The following R3HDM2 variants were observed in gnomAD, a reference collection of about 807,000 sequenced individuals.
R3HDM2 encodes the protein R3H domain containing 2.
Under a neutral mutation model 124.5 loss-of-function variants are expected in R3HDM2, and 38 were observed. The ratio of observed to expected loss-of-function variants is 0.31; its 90% CI spans 0.24 to 0.40. R3HDM2 has a LOEUF of 0.40. R3HDM2 is among the 10% of genes least tolerant of loss of function. The pLI is 1.00. For synonymous variants in R3HDM2, 391 were observed against 448.0 expected (o/e 0.87, Z 1.61); for missense variants, 869 against 1,236.9 (o/e 0.70, Z 4.46).
chr12:57,430,489 G>GGCCCCCCCCCCCCCCCC, intron 1 of R3HDM2: 1 of 790,574 alleles, frequency 1.3e-6, no homozygotes, highest in Non-Finnish European at 1.5e-6. Context: ...CCACCCCCCT[G>GGCCCCCCCCCCCCCCCC]CCCCCGCACC....
At chr12:57,397,727 C>T (rs896626700) in intron 1 of R3HDM2, among the ~76,000 whole-genome samples, 7 of 152,170 alleles carry the variant, frequency 4.6e-5, no homozygotes, top group Non-Finnish European at 7.3e-5. Context: ...CCCATTGGCA[C>T]TCAAGCCATT....
intron 12 of R3HDM2, among the ~76,000 whole-genome samples, chr12:57,284,311 C>T (rs2046849263): frequency 6.6e-6 from 1 of 152,142 alleles, no homozygotes; most frequent in African/African-American, 2.4e-5. Context: ...TACATCAGAC[C>T]AGAGGTGGAT....
chr12:57,354,265 G>T lies in R3HDM2; in HGVS notation c.-36+41484C>A, dbSNP rs114533148. On this transcript the variant is annotated intron_variant, in intron 2 of 23. Coordinates refer to ENST00000402412, the MANE Select transcript of R3HDM2 (RefSeq NM_001394031.1). The stretch of plus-strand genomic sequence containing the variant: ...TGCTCCACAGTCTCATCAACATTTG[G>T]TATGGCCAGACTTTTTGTTTGATGG... Among the ~76,000 whole-genome samples the T allele has an allele frequency of 4.0e-3, 602 of 151,826 alleles. 5 individuals carry two copies. The highest frequency in any genetic ancestry group is 0.014 in the African/African-American group (576 of 41,420).
At chr12:57,275,992 C>A (rs1191581702) in intron 14 of R3HDM2, among the ~76,000 whole-genome samples, 1 of 151,904 alleles carries the variant, frequency 6.6e-6, no homozygotes, top group Non-Finnish European at 1.5e-5. Context: ...CCAAGGCGGG[C>A]GGATCATGAG....
chr12:57,395,655 C>T (rs564262869), intron 2 of R3HDM2, 94 bp downstream of exon 2: 715 of 432,956 alleles, frequency 1.7e-3, no homozygotes, highest in Non-Finnish European at 2.1e-3. Context: ...ACTTCCAACA[C>T]CATGGAGTTG....
intron 2 of R3HDM2, among the ~76,000 whole-genome samples, chr12:57,388,680 G>A (rs1180863184): frequency 6.6e-6 from 1 of 152,134 alleles, no homozygotes; most frequent in Non-Finnish European, 1.5e-5. Context: ...GGACCACGAA[G>A]GCAGTTACAG....
rs566868060 is a variant in R3HDM2, at chr12:57,260,263, C to CAAAAAAAAAAAAAAA, written c.2132-1219_2132-1205dup. Among the ~76,000 whole-genome samples, 85 of 31,564 alleles carry CAAAAAAAAAAAAAAA rather than the reference C, an allele frequency of 2.7e-3. 19 individuals are homozygous for CAAAAAAAAAAAAAAA. Among genetic ancestry groups the CAAAAAAAAAAAAAAA allele is most frequent in the Non-Finnish European group, 3.2e-3 (61 of 18,822 alleles). The allele number at this position is 31,564 out of a possible 152,430, so 20.7% of individuals were successfully genotyped here. A position where few individuals can be genotyped will look rare whatever the true frequency, so the allele number is the denominator to read the frequency against. ...TGGGTGACAGAATGAGACCCTGCCTCAAAAAAAAAAAAAAAAAAAAAAGCC... is the reference window on the plus strand; with the variant it reads ...TGGGTGACAGAATGAGACCCTGCCTCAAAAAAAAAAAAAAAAAAAAAAAAAAAAAAAAAAAAAGCC... On this transcript the variant is annotated intron_variant, in intron 19 of 23. Coordinates refer to ENST00000402412, the MANE Select transcript of R3HDM2 (RefSeq NM_001394031.1).
chr12:57,259,051 G>T lies in R3HDM2; in HGVS notation c.2140C>A (p.Pro714Thr). The change falls in exon 20 of 24, where the codon CCT becomes ACT. Residue 714 changes from proline (P) to threonine (T), a missense_variant. Pro to Thr is a conservative substitution (Grantham distance 38). Around this residue, in one of 2 missense-constraint regions of R3HDM2, gnomAD observed 602 missense variants for 789.2 expected, o/e 0.76. Transcript: ENST00000402412. ...ATGACCACTACACCTGGTCCAGAAG[G>T]TGACACTCCTGAAGGGCAGGAAGAA... ...QMPQQYSGVS[P>T]SGPGVVVMQL... The T allele has an allele frequency of 1.2e-6, 2 of 1,611,200 alleles. No individual in the cohort carries two copies. The highest frequency in any genetic ancestry group is 1.7e-6 in the Non-Finnish European group (2 of 1,179,046).
At chr12:57,413,274 T>G (rs561732523) in intron 1 of R3HDM2, among the ~76,000 whole-genome samples, 3 of 152,074 alleles carry the variant, frequency 2.0e-5, no homozygotes, top group African/African-American at 7.2e-5. Context: ...CCATAACTAC[T>G]CATAAATCAC....
intron 12 of R3HDM2, among the ~76,000 whole-genome samples, chr12:57,287,747 T>C (rs2047662093): frequency 6.6e-6 from 1 of 152,212 alleles, no homozygotes; most frequent in Admixed American, 6.5e-5. Context: ...CTAGTTTTTC[T>C]ATTGGTAAAT....
Position 57,407,451 on chromosome 12 carries a change from G to C in R3HDM2, c.-105-11633C>G, listed in dbSNP as rs2068628596. ...GACAGAGTCTCACTCTGTTGCCCAG[G>C]CTGGAGTGCAGTGGCACAATCTCAG... On this transcript the variant is annotated intron_variant, in intron 1 of 23. Transcript: ENST00000402412. Among the ~76,000 whole-genome samples the C allele has an allele frequency of 3.3e-5, 5 of 151,572 alleles. No homozygotes were observed. The South Asian group carries it at 1.0e-3, about 32-fold the overall frequency.
At chr12:57,416,786 C>T (rs980863109) in intron 1 of R3HDM2, among the ~76,000 whole-genome samples, 6 of 151,856 alleles carry the variant, frequency 4.0e-5, no homozygotes, top group Non-Finnish European at 5.9e-5. Flanking sequence ...CCAGCCTGGG[C>T]AACAGAGTGA....
At chr12:57,407,571 A>C (rs1184441134) in intron 1 of R3HDM2, among the ~76,000 whole-genome samples, 1 of 150,786 alleles carries the variant, frequency 6.6e-6, no homozygotes. Flanking sequence ...GTGCCCAGCT[A>C]ATTTTTTGTG....
At chr12:57,333,090 T>C (rs2058408504) in intron 2 of R3HDM2, among the ~76,000 whole-genome samples, 1 of 152,188 alleles carries the variant, frequency 6.6e-6, no homozygotes, top group Non-Finnish European at 1.5e-5. Context: ...GAATGAATCA[T>C]TCTTATTCTC....
intron 2 of R3HDM2, among the ~76,000 whole-genome samples, chr12:57,311,934 A>G (rs2053998747): frequency 6.6e-6 from 1 of 152,218 alleles, no homozygotes. Context: ...ACTAAGAATC[A>G]GAAGTTGATA....
At chr12:57,325,500 T>C (rs948146312) in intron 2 of R3HDM2, among the ~76,000 whole-genome samples, 2 of 152,098 alleles carry the variant, frequency 1.3e-5, no homozygotes, top group African/African-American at 4.8e-5. Context: ...ACCATAGACA[T>C]AGAAACCTAG....
chr12:57,255,951 G>A (rs367938273), intron 23 of R3HDM2, 39 bp downstream of exon 23: 6 of 1,568,620 alleles, frequency 3.8e-6, no homozygotes, highest in African/African-American at 1.3e-5. Flanking sequence ...CTGGAAGGGT[G>A]GGCACCTTCT....
chr12:57,309,899 T>G (rs145698087), intron 3 of R3HDM2, among the ~76,000 whole-genome samples: 2 of 152,254 alleles, frequency 1.3e-5, no homozygotes, highest in African/African-American at 4.8e-5. Context: ...TTCTTACACA[T>G]CTCCACTTTT....
In R3HDM2 at chr12:57,370,398, G is replaced by A. The variant is rs892829021; in HGVS notation, c.-36+25351C>T. On this transcript the variant is annotated intron_variant, in intron 2 of 23. Transcript: ENST00000402412. ...CTAATCACAGCACTTTGGGAGGCCC[G>A]GGGGGGGGGGGCGGGGTGGATCACC... Among the ~76,000 whole-genome samples, 8 of 120,844 alleles carry A rather than the reference G, an allele frequency of 6.6e-5. No homozygotes were observed. In the South Asian group the frequency reaches 9.2e-4, roughly 14 times the overall value. The allele number at this position is 120,844 out of a possible 152,430, so 79.3% of individuals were successfully genotyped here.
Sources: allele counts gnomAD v4.1 joint callset (sites outside exome capture counted in the v4.1 genomes callset), GRCh38; gene constraint gnomAD v4.1.1; regional missense constraint gnomAD v4.1.1; transcripts MANE v1.5; gene names NCBI Gene and HGNC (gene_info 2026-07-23, HGNC 2026-07-21).